PPL: variants seen among roughly 807,000 people sequenced by gnomAD.
PPL encodes the protein 190 kDa paraneoplastic pemphigus antigen.
In PPL, 198 loss-of-function variants were observed where a neutral mutation model predicts 194.4. The observed-to-expected ratio is 1.02, with a 90% CI of 0.91 to 1.15. PPL has a LOEUF of 1.15. PPL is among the 50% of genes most tolerant of loss of function. PPL has a pLI of 0.00. For synonymous variants in PPL, 1,220 were observed against 972.4 expected, an observed-to-expected ratio of 1.25 and a Z score of -4.74; for missense variants, 2,885 against 2,294.8, an observed-to-expected ratio of 1.26 and a Z score of -5.25.
chr16:4,935,944 C>T (rs921516878), intron 1 of PPL, among the ~76,000 whole-genome samples: 2 of 152,140 alleles, frequency 1.3e-5, no homozygotes, highest in Non-Finnish European at 2.9e-5. Context: ...AGCCTCTTGT[C>T]CGAGAAGCTG....
At chr16:4,923,650 G>T (rs956425889) in intron 1 of PPL, among the ~76,000 whole-genome samples, 2 of 152,222 alleles carry the variant, frequency 1.3e-5, no homozygotes, top group African/African-American at 4.8e-5. Context: ...AGGGAACGTA[G>T]CCTGTGTTGT....
chr16:4,899,395 C>T lies in PPL; in HGVS notation c.607-11G>A, dbSNP rs567127449. On this transcript the variant is annotated splice_polypyrimidine_tract_variant and intron_variant, in intron 6 of 21. Transcript: ENST00000345988. ...GGCCTGTGATGCTGCCTGAAGGGGCCGGGGCAAGGAAAGGGCTGCGTCCTC... is the reference window on the plus strand; with the variant it reads ...GGCCTGTGATGCTGCCTGAAGGGGCTGGGGCAAGGAAAGGGCTGCGTCCTC... 30 of 1,597,558 alleles carry T rather than the reference C, an allele frequency of 1.9e-5. No individual in the cohort carries two copies. Among genetic ancestry groups the T allele is most frequent in the East Asian group, 9.0e-5 (4 of 44,598 alleles).
intron 1 of PPL, among the ~76,000 whole-genome samples, chr16:4,930,920 G>A (rs915495845): frequency 6.6e-6 from 1 of 152,204 alleles, no homozygotes; most frequent in Admixed American, 6.5e-5. Context: ...TAAGCAGCTG[G>A]AGGTATGGTC....
At chr16:4,904,946 G>C (rs2088653948) in intron 2 of PPL, among the ~76,000 whole-genome samples, 1 of 152,204 alleles carries the variant, frequency 6.6e-6, no homozygotes. Flanking sequence ...TTCGTTTAGG[G>C]AAGAGCAATG....
chr16:4,883,607 T>A lies in PPL; in HGVS notation c.5048A>T (p.Asn1683Ile), dbSNP rs2088144219. 12 of 1,614,054 alleles carry A rather than the reference T, an allele frequency of 7.4e-6. No individual in the cohort carries two copies. Among genetic ancestry groups the A allele is most frequent in the Non-Finnish European group, 1.0e-5 (12 of 1,180,022 alleles). The change falls in exon 22 of 22, where the codon AAC (asparagine) becomes ATC (isoleucine). Residue 1683 changes from asparagine to isoleucine, a missense_variant. Coordinates refer to ENST00000345988, the MANE Select transcript of PPL (RefSeq NM_002705.5). This position sits in a 1 kb window ranked among gnomAD's most constrained non-coding sequence, Gnocchi z 4.8. ...CTGGCTTCTGAGTTTCACGAACATG[T>A]TCCAGTCAATGAGCCCGGCACGGTG... The part of the protein sequence containing the change: ...EAHRAGLIDW[N>I]MFVKLRSQEC...
In PPL at chr16:4,884,965, C is replaced by T. The variant is rs1351248984; in HGVS notation, c.3690G>A (p.Glu1230=). 1 of 1,614,164 alleles carries T rather than the reference C, an allele frequency of 6.2e-7. No individual in the cohort carries two copies. The highest frequency in any genetic ancestry group is 1.7e-5 in the Admixed American group (1 of 60,028). Residue 1230 remains glutamate (E), a synonymous_variant, in exon 22 of 22, where the codon GAG becomes GAA. Coordinates refer to ENST00000345988, the MANE Select transcript of PPL (RefSeq NM_002705.5). The surrounding 1 kb of genome is among the most constrained non-coding windows in gnomAD (Gnocchi z 5.7). ...TGTACTTAATGACTTCCTTAGTCAC[C>T]TCTTTGACTTCCACCTGGGGGCCTC... is the stretch of plus-strand genomic sequence containing the variant. The part of the protein sequence containing the change: ...RRRGPQVEVK[E]VTKEVIKYKT...
At chr16:4,893,516 T>C in intron 13 of PPL, 25 bp downstream of exon 13, 1 of 1,609,270 alleles carries the variant, frequency 6.2e-7, no homozygotes, top group Non-Finnish European at 8.5e-7. Context: ...CCCCAGAGCC[T>C]CAGGCGAGTG....
At chr16:4,932,273 GCTCT>G (rs2089234507) in intron 1 of PPL, among the ~76,000 whole-genome samples, 1 of 152,098 alleles carries the variant, frequency 6.6e-6, no homozygotes, top group Non-Finnish European at 1.5e-5. Flanking sequence ...TGGCGGGGCG[GCTCT>G]CTCTAAGCTG....
chr16:4,902,118 A>G lies in PPL; in HGVS notation c.438+288T>C, dbSNP rs1220250360. On this transcript the variant is annotated intron_variant, in intron 4 of 21. Transcript: ENST00000345988. The surrounding 1 kb of genome is among the most constrained non-coding windows in gnomAD (Gnocchi z 4.0). ...CCCAGCCTGCCCACAAAATGTCACC[A>G]AGACCCCAACATGCCAGGGTTGGAA... 6.6e-6 allele frequency among the ~76,000 whole-genome samples: 1 copy of G among 152,156 alleles called. No individual in the cohort carries two copies. Among genetic ancestry groups the G allele is most frequent in the East Asian group, 1.9e-4 (1 of 5,196 alleles).
At position 4,890,877 on chromosome 16, in the gene PPL, C is replaced by G; in HGVS notation, c.2013G>C (p.Glu671Asp). The G allele has an allele frequency of 6.5e-7, 1 of 1,547,840 alleles. No homozygotes were observed. Among genetic ancestry groups the G allele is most frequent in the Non-Finnish European group, 8.7e-7 (1 of 1,143,206 alleles). Residue 671 changes from glutamate (E) to aspartate (D), a missense_variant, in exon 17 of 22, where the codon GAG becomes GAC. Physicochemically the swap from Glu to Asp is conservative, Grantham distance 45. Coordinates refer to ENST00000345988, the MANE Select transcript of PPL (RefSeq NM_002705.5). ...ELQAQKSLLG[E>D]VEQNLQAAKQ... Reference sequence around the variant, plus strand: ...TGGCCGCCTGCAAGTTCTGCTCCACCTCACCCAGGAGGGACTTCTGGGCCT... The same window carrying G: ...TGGCCGCCTGCAAGTTCTGCTCCACGTCACCCAGGAGGGACTTCTGGGCCT...
chr16:4,893,985 C>G (rs2088369950), intron 12 of PPL, among the ~76,000 whole-genome samples: 1 of 152,278 alleles, frequency 6.6e-6, no homozygotes, highest in East Asian at 1.9e-4. Context: ...CAAGGAGTTC[C>G]TGGGCACCTA....
At chr16:4,926,902 A>C (rs77846161) in intron 1 of PPL, among the ~76,000 whole-genome samples, 1 of 139,274 alleles carries the variant, frequency 7.2e-6, no homozygotes, top group African/African-American at 2.5e-5. Context: ...ACAAAAAAAA[A>C]CCAAAAACAA....
intron 1 of PPL, among the ~76,000 whole-genome samples, chr16:4,926,893 CAAAAA>C (rs906386976): frequency 9.1e-6 from 1 of 110,398 alleles, no homozygotes; most frequent in African/African-American, 3.9e-5. Context: ...AAAAAAAAAA[CAAAAA>C]AAAACCAAAA....
intron 1 of PPL, among the ~76,000 whole-genome samples, chr16:4,924,880 G>T (rs1417777806): frequency 6.6e-6 from 1 of 152,194 alleles, no homozygotes; most frequent in African/African-American, 2.4e-5. Flanking sequence ...CATCGGAGGG[G>T]CCACGTTCCT....
chr16:4,883,240 CG>C lies in PPL; in HGVS notation c.*143del. 1 of 1,102,676 alleles carries C rather than the reference CG, an allele frequency of 9.1e-7. No homozygotes were observed. Among genetic ancestry groups the C allele is most frequent in the Non-Finnish European group, 1.3e-6 (1 of 767,180 alleles). The allele number at this position is 1,102,676 out of a possible 1,614,324, so 68.3% of individuals were successfully genotyped here. ...AGCCAGTGCCTGTCTCATATGTGGG[CG>C]GGACTCTGAGCAGCCTGGCAGCGAG... On this transcript the variant is annotated 3_prime_UTR_variant, in exon 22 of 22. Transcript: ENST00000345988. This position sits in a 1 kb window ranked among gnomAD's most constrained non-coding sequence, Gnocchi z 4.8.
At position 4,895,352 on chromosome 16, in the gene PPL, C is replaced by T. The variant is rs747685638; in HGVS notation, c.1151G>A (p.Arg384Gln). ...CTTGAGGGGCACCACCTGCTGGCCT[C>T]GCTTCTGCAGCCCCTGCACCACGTC... is the stretch of plus-strand genomic sequence containing the variant. ...YEDVVQGLQKRGQQVVPLKYR... is the reference protein window; with the variant it reads ...YEDVVQGLQKQGQQVVPLKYR... Residue 384 changes from arginine (R) to glutamine (Q), a missense_variant, in exon 11 of 22, where the codon CGA becomes CAA. Arg to Gln is a conservative substitution (Grantham distance 43). Coordinates refer to ENST00000345988, the MANE Select transcript of PPL (RefSeq NM_002705.5). The T allele has an allele frequency of 9.3e-6, 15 of 1,613,274 alleles. No homozygotes were observed. The highest frequency in any genetic ancestry group is 1.2e-5 in the Non-Finnish European group (14 of 1,179,974).
In PPL at chr16:4,883,573, G is replaced by T. The variant is rs149462976; in HGVS notation, c.5082C>A (p.Asp1694Glu). 1.9e-4 allele frequency: 308 copies of T among 1,614,036 alleles called. No homozygotes were observed. The highest frequency in any genetic ancestry group is 2.6e-4 in the Non-Finnish European group (301 of 1,180,008). Residue 1694 changes from aspartate to glutamate, a missense_variant, in exon 22 of 22, where the codon GAC (aspartate) becomes GAA (glutamate). By Grantham distance (45) the Asp-to-Glu change is conservative. Transcript: ENST00000345988. The surrounding 1 kb of genome is among the most constrained non-coding windows in gnomAD (Gnocchi z 4.8). ...GACCCTTCACTGAGATCTCCTCCCA[G>T]TCGCACTCCTGGCTTCTGAGTTTCA... is the stretch of plus-strand genomic sequence containing the variant. ...MFVKLRSQEC[D>E]WEEISVKGPN... is the part of the protein sequence containing the mutation.
intron 1 of PPL, among the ~76,000 whole-genome samples, chr16:4,924,298 C>CT (rs1290820201): frequency 8.5e-5 from 13 of 152,290 alleles, no homozygotes; most frequent in South Asian, 6.2e-4. Context: ...TTTACATTCT[C>CT]TTTTTCACAC....
chr16:4,920,367 G>GAAAC (rs1277931976), intron 1 of PPL, among the ~76,000 whole-genome samples: 2 of 72,378 alleles, frequency 2.8e-5, no homozygotes, highest in Non-Finnish European at 4.6e-5. Context: ...AAGAAAGAAA[G>GAAAC]AAAGGACACC....
Sources: gnomAD v4.1 joint callset for allele counts (sites outside exome capture counted in the v4.1 genomes callset) on GRCh38, gnomAD v4.1.1 for gene constraint, Gnocchi (gnomAD v3.1) non-coding constraint, MANE v1.5 for transcripts, NCBI Gene and HGNC (gene_info 2026-07-23, HGNC 2026-07-21) for gene names.